NEK11: variants seen among roughly 807,000 people sequenced by gnomAD.
NEK11 encodes the protein serine/threonine-protein kinase Nek11.
Under a neutral mutation model 80.7 loss-of-function variants are expected in NEK11, and 72 were observed. That is an observed-to-expected ratio of 0.89 (90% CI 0.74 to 1.08). The LOEUF is 1.08. NEK11 is among the 50% of genes least tolerant of loss of function. The pLI, the probability that NEK11 is intolerant of heterozygous loss-of-function variation, is 0.00. For missense variants in NEK11, 764 were observed against 763.6 expected, an observed-to-expected ratio of 1.00 and a Z score of -0.01; for synonymous variants, 251 against 260.7, an observed-to-expected ratio of 0.96 and a Z score of 0.36.
At chr3:131,296,048 C>A (rs1233661651) in intron 17 of NEK11, among the ~76,000 whole-genome samples, 1 of 152,056 alleles carries the variant, frequency 6.6e-6, no homozygotes, top group Non-Finnish European at 1.5e-5. Flanking sequence ...ACCATGATGT[C>A]CAACCTGGTC....
intron 16 of NEK11, among the ~76,000 whole-genome samples, chr3:131,247,034 A>G (rs1206213855): frequency 6.6e-6 from 1 of 151,978 alleles, no homozygotes; most frequent in African/African-American, 2.4e-5. Context: ...TGTTGGATGT[A>G]TAGATTGTAA....
At chr3:131,115,693 A>C (rs368849649) in intron 5 of NEK11, among the ~76,000 whole-genome samples, 5 of 152,160 alleles carry the variant, frequency 3.3e-5, no homozygotes, top group African/African-American at 7.2e-5. Context: ...ATTTCTTAAG[A>C]TAAAGGACAG....
chr3:131,221,489 C>G (rs116553621), intron 14 of NEK11, among the ~76,000 whole-genome samples: 1,786 of 152,222 alleles, frequency 0.012, 38 homozygotes, highest in African/African-American at 0.041. Context: ...CCTTTAAGAA[C>G]CATTCTGGGA....
chr3:131,246,698 C>T (rs141484351), intron 16 of NEK11, among the ~76,000 whole-genome samples: 151 of 152,244 alleles, frequency 9.9e-4, no homozygotes, highest in African/African-American at 3.6e-3. Context: ...TACTGTTTTC[C>T]ATAGTGGTTG....
intron 4 of NEK11, among the ~76,000 whole-genome samples, chr3:131,098,723 G>A (rs779048179): frequency 7.3e-5 from 11 of 151,702 alleles, no homozygotes; most frequent in Non-Finnish European, 1.3e-4. Flanking sequence ...TTACAGGTGC[G>A]CACCACCACA....
intron 17 of NEK11, among the ~76,000 whole-genome samples, chr3:131,312,343 T>C (rs1365140429): frequency 1.3e-5 from 2 of 152,326 alleles, no homozygotes; most frequent in African/African-American, 4.8e-5. Context: ...ATTAGCATAA[T>C]GGACTCATGG....
At chr3:131,320,627 C>A (rs184272461) in intron 17 of NEK11, among the ~76,000 whole-genome samples, 97 of 152,110 alleles carry the variant, frequency 6.4e-4, no homozygotes, top group African/African-American at 2.1e-3. Flanking sequence ...AAAAAGAAAG[C>A]TTAGTATTTC....
chr3:131,042,198 G>T (rs896351695), intron 3 of NEK11, among the ~76,000 whole-genome samples: 3 of 136,016 alleles, frequency 2.2e-5, no homozygotes, highest in Non-Finnish European at 5.1e-5. Flanking sequence ...CTAGCTGCAG[G>T]TTTTTGTTTT....
intron 15 of NEK11, among the ~76,000 whole-genome samples, chr3:131,232,440 ACT>A (rs1180018892): frequency 7.9e-5 from 12 of 152,110 alleles, no homozygotes; most frequent in African/African-American, 2.9e-4. Flanking sequence ...GACAATAATG[ACT>A]CGACACAAAT....
intron 1 of NEK11, 91 bp from the exon 2 acceptor site, chr3:131,027,839 C>T (rs1477509979): frequency 6.8e-6 from 1 of 146,612 alleles, no homozygotes; most frequent in African/African-American, 2.5e-5. Context: ...ACTACTTAAG[C>T]ACTGCTGGGT....
chr3:131,050,298 C>A (rs1577448629), intron 3 of NEK11, among the ~76,000 whole-genome samples: 1 of 152,350 alleles, frequency 6.6e-6, no homozygotes, highest in East Asian at 1.9e-4. Context: ...GCGGTCCCCA[C>A]TGCCTGTTTG....
chr3:131,348,884 G>T (rs1487904181), intron 17 of NEK11, among the ~76,000 whole-genome samples: 3 of 151,906 alleles, frequency 2.0e-5, no homozygotes, highest in African/African-American at 7.3e-5. Context: ...TGATTGAAAG[G>T]GCAAAGTGAG....
intron 3 of NEK11, among the ~76,000 whole-genome samples, chr3:131,041,872 G>C (rs1010521901): frequency 6.6e-6 from 1 of 152,200 alleles, no homozygotes; most frequent in African/African-American, 2.4e-5. Flanking sequence ...TGCAGAAGGT[G>C]GGTGATTTCT....
At chr3:131,264,389 A>G (rs1034931291) in intron 16 of NEK11, among the ~76,000 whole-genome samples, 6 of 152,170 alleles carry the variant, frequency 3.9e-5, no homozygotes, top group Admixed American at 1.3e-4. Context: ...TAATTTTTGT[A>G]TAAGGTGTAA....
chr3:131,222,387 G>A (rs962342136), intron 14 of NEK11, among the ~76,000 whole-genome samples: 1 of 152,144 alleles, frequency 6.6e-6, no homozygotes, highest in Non-Finnish European at 1.5e-5. Context: ...GGTATCAAAT[G>A]TATATCAGCA....
chr3:131,075,464 A>G (rs1305313753), intron 3 of NEK11, among the ~76,000 whole-genome samples: 2 of 151,646 alleles, frequency 1.3e-5, no homozygotes, highest in Non-Finnish European at 1.5e-5. Flanking sequence ...TGGCTTTTCC[A>G]TTATTTTTAT....
intron 4 of NEK11, among the ~76,000 whole-genome samples, chr3:131,108,901 C>T (rs1349860879): frequency 6.6e-6 from 1 of 152,068 alleles, no homozygotes; most frequent in Non-Finnish European, 1.5e-5. Context: ...TATACTACAG[C>T]AGCTATATGC....
At chr3:131,131,841 T>C (rs1206724834) in intron 5 of NEK11, among the ~76,000 whole-genome samples, 1 of 152,090 alleles carries the variant, frequency 6.6e-6, no homozygotes, top group Non-Finnish European at 1.5e-5. Flanking sequence ...TATTCAGTGC[T>C]GTAAATTTCC....
chr3:131,033,741 C>T (rs1421711761), intron 3 of NEK11, among the ~76,000 whole-genome samples: 1 of 152,162 alleles, frequency 6.6e-6, no homozygotes, highest in Non-Finnish European at 1.5e-5. Flanking sequence ...TATTCCTTTA[C>T]ATTTTTATTC....
Sources: allele counts gnomAD v4.1 joint callset (sites outside exome capture counted in the v4.1 genomes callset), GRCh38; gene constraint gnomAD v4.1.1; transcripts MANE v1.5; gene names NCBI Gene and HGNC (gene_info 2026-07-23, HGNC 2026-07-21).